The following MUC6 variants were observed in gnomAD, a reference collection of about 807,000 sequenced individuals.
MUC6 encodes mucin-6.
In MUC6, 188 loss-of-function variants were observed where a neutral mutation model predicts 201.5. That is an observed-to-expected ratio of 0.93 (90% confidence interval 0.83 to 1.05). MUC6 has a LOEUF of 1.05. MUC6 is among the 50% of genes least tolerant of loss of function. The pLI, the probability that MUC6 is intolerant of heterozygous loss-of-function variation, is 0.00. For synonymous variants in MUC6, 1,228 were observed against 1,389.4 expected (o/e 0.88, Z 2.58); for missense variants, 2,706 against 3,256.9 (o/e 0.83, Z 4.12).
Position 1,028,793 on chromosome 11 carries a change from G to A in MUC6, c.1454-10C>T, listed in dbSNP as rs750252148. The stretch of plus-strand genomic sequence containing the variant: ...AAGACCGTGATGTTGCCTGCAGGAC[G>A]CAGTGCTCAGTGGGCCGTCTGGGCT... On this transcript the variant is annotated splice_polypyrimidine_tract_variant and intron_variant, in intron 12 of 32. Transcript: ENST00000421673. 61 of 1,609,728 alleles carry A rather than the reference G, an allele frequency of 3.8e-5. No individual in the cohort carries two copies. Among genetic ancestry groups the A allele is most frequent in the African/African-American group, 2.0e-4 (15 of 74,936 alleles).
intron 24 of MUC6, 80 bp downstream of exon 24, chr11:1,024,764 C>T (rs1856909705): frequency 6.6e-7 from 1 of 1,518,668 alleles, no homozygotes; most frequent in Non-Finnish European, 8.8e-7. Flanking sequence ...AGAACCGTGC[C>T]TGGCTTCCCC....
Position 1,030,637 on chromosome 11 carries a change from C to T in MUC6, c.828G>A (p.Glu276=), listed in dbSNP as rs1188606943. Residue 276 remains glutamate (E), a synonymous_variant, in exon 7 of 33, where the codon GAG becomes GAA. Coordinates refer to ENST00000421673, the MANE Select transcript of MUC6 (RefSeq NM_005961.3). ...CCACCATGCTGCACTGGCGGGAGTACTCCGACAGGGTGGCACAACTGCTGT... is the reference window on the plus strand; with the variant it reads ...CCACCATGCTGCACTGGCGGGAGTATTCCGACAGGGTGGCACAACTGCTGT... ...PQNSSCATLS[E]YSRQCSMVGQ... 1.9e-6 allele frequency: 3 copies of T among 1,540,770 alleles called. No individual in the cohort carries two copies. The African/African-American group carries it at 4.1e-5, about 21-fold the overall frequency.
intron 2 of MUC6, 128 bp from the exon 3 acceptor site, chr11:1,032,181 C>T: frequency 1.6e-6 from 2 of 1,258,272 alleles, no homozygotes; most frequent in Admixed American, 2.4e-5. Flanking sequence ...GCTGTGGAAA[C>T]CCCAGACATC....
At chr11:1,036,404 T>C (rs373003344) in intron 1 of MUC6, among the ~76,000 whole-genome samples, 200 bp downstream of exon 1, 1 of 152,092 alleles carries the variant, frequency 6.6e-6, no homozygotes, top group Non-Finnish European at 1.5e-5. Flanking sequence ...CTGACCCCAA[T>C]TGGCAGAGCC....
intron 1 of MUC6, among the ~76,000 whole-genome samples, chr11:1,035,534 A>G (rs1246187122): frequency 1.7e-4 from 20 of 119,134 alleles, no homozygotes; most frequent in African/African-American, 4.7e-4. Flanking sequence ...TATCTCCTAC[A>G]GTTGAAGGGT....
At chr11:1,025,143 T>C (rs1275252665) in intron 23 of MUC6, 39 bp downstream of exon 23, 2 of 1,610,406 alleles carry the variant, frequency 1.2e-6, no homozygotes, top group African/African-American at 2.7e-5. Flanking sequence ...CACCCCTGCA[T>C]CAGGGAGGGC....
chr11:1,014,512 G>A (rs1856557146), intron 31 of MUC6, among the ~76,000 whole-genome samples: 1 of 152,206 alleles, frequency 6.6e-6, no homozygotes, highest in African/African-American at 2.4e-5. Context: ...GGAAGGGGCG[G>A]GGTGGGGGCC....
rs751038693 is a variant in MUC6, at chr11:1,021,239, C to T, written c.3565G>A (p.Glu1189Lys). The change falls in exon 27 of 33, where the codon GAG (glutamate) becomes AAG (lysine). Residue 1189 changes from glutamate to lysine, a missense_variant. By Grantham distance (56) the Glu-to-Lys change is moderately conservative (BLOSUM62 1). Transcript: ENST00000421673. ...CTGCAGGGCACGCACACCCCCTCCTCGTGGTCGAAGTACTCATCCTGGGAG... is the reference window on the plus strand; with the variant it reads ...CTGCAGGGCACGCACACCCCCTCCTTGTGGTCGAAGTACTCATCCTGGGAG... ...NCSQDEYFDH[E>K]EGVCVPCMPP... 5.0e-5 allele frequency: 79 copies of T among 1,591,034 alleles called. No homozygotes were observed. The South Asian group carries it at 7.7e-4, about 16-fold the overall frequency.
intron 1 of MUC6, among the ~76,000 whole-genome samples, chr11:1,035,553 G>A (rs1248025801): frequency 2.0e-5 from 3 of 151,862 alleles, no homozygotes; most frequent in Non-Finnish European, 4.4e-5. Flanking sequence ...GTGGTGCCCG[G>A]CGTGGTGGGG....
chr11:1,035,192 GGCGCT>G (rs1857191086), intron 1 of MUC6, among the ~76,000 whole-genome samples: 2 of 152,208 alleles, frequency 1.3e-5, no homozygotes, highest in South Asian at 4.1e-4. Flanking sequence ...TGGCAGAGAT[GGCGCT>G]CAGAGATTAT....
rs1388399902 is a variant in MUC6 at position 1,020,691 on chromosome 11, G to A, written c.3633C>T (p.Pro1211=). 6.2e-7 allele frequency: 1 copy of A among 1,613,592 alleles called. No individual in the cohort carries two copies. The highest frequency in any genetic ancestry group is 2.2e-5 in the East Asian group (1 of 44,884). Residue 1211 remains proline (P), a synonymous_variant, in exon 28 of 33, where the codon CCC becomes CCT. Coordinates refer to ENST00000421673, the MANE Select transcript of MUC6 (RefSeq NM_005961.3). ...TAGTGTGCGTGCAATTACCTGTGGT[G>A]GGCAGCTGCGGCGTGGTGGGTGGCT... The part of the protein sequence containing the change: ...TPQPPTTPQL[P]TTGSRPTQVW...
chr11:1,033,464 C>G lies in MUC6; in HGVS notation c.53-389G>C, dbSNP rs953477549. On this transcript the variant is annotated intron_variant, in intron 1 of 32. Transcript: ENST00000421673. This position sits in a 1 kb window ranked among gnomAD's most constrained non-coding sequence, Gnocchi z 5.6. ...GCGGAGCCAACAAAGTGGGCTGTGC[C>G]CGCCTCCCCAGCTTGGCCGCCTGGT... Among the ~76,000 whole-genome samples the G allele has an allele frequency of 6.6e-6, 1 of 152,014 alleles. No homozygotes were observed. The highest frequency in any genetic ancestry group is 1.5e-5 in the Non-Finnish European group (1 of 67,962).
In MUC6 at chr11:1,025,847, G is replaced by A; in HGVS notation, c.2757C>T (p.Asn919=). 1 of 1,613,046 alleles carries A rather than the reference G, an allele frequency of 6.2e-7. No individual in the cohort carries two copies. The highest frequency in any genetic ancestry group is 8.5e-7 in the Non-Finnish European group (1 of 1,179,792). ...TGGCCCGTGAGCATGTGACCCCGGA[G>A]TTCCCACAGATGACGTTCTCTGTCA... is the stretch of plus-strand genomic sequence containing the variant. ...KILTENVICG[N]SGVTCSRAIK... is the part of the protein sequence containing the mutation. The change falls in exon 22 of 33, where the codon AAC becomes AAT. Residue 919 remains asparagine (N), a synonymous_variant. Transcript: ENST00000421673.
rs374810305 is a variant in MUC6, at chr11:1,019,512, G to A, written c.3809-16C>T. 2.5e-5 allele frequency: 40 copies of A among 1,603,646 alleles called. No individual in the cohort carries two copies. In the East Asian group the frequency reaches 7.8e-4, roughly 31 times the overall value. ...CTAGGTGGTTCTGCAGAGGACAGCCGCCCGGAACATCCCCTTGCTGTGGGC... is the reference window on the plus strand; with the variant it reads ...CTAGGTGGTTCTGCAGAGGACAGCCACCCGGAACATCCCCTTGCTGTGGGC... On this transcript the variant is annotated splice_polypyrimidine_tract_variant and intron_variant, in intron 29 of 32. Transcript: ENST00000421673.
chr11:1,025,158 G>C lies in MUC6; in HGVS notation c.2985+24C>G, dbSNP rs1298424302. ...CACCCCTGCATCAGGGAGGGCCTGG[G>C]AGGAGGCAGAGGGCGTGCGGTACCT... is the stretch of plus-strand genomic sequence containing the variant. On this transcript the variant is annotated intron_variant, in intron 23 of 32. Coordinates refer to ENST00000421673, the MANE Select transcript of MUC6 (RefSeq NM_005961.3). 8.1e-6 allele frequency: 13 copies of C among 1,610,214 alleles called. No homozygotes were observed. In the Admixed American group the frequency reaches 2.2e-4, roughly 27 times the overall value.
Position 1,033,205 on chromosome 11 carries a change from G to T in MUC6, c.53-130C>A, listed in dbSNP as rs758835108. 2 of 899,606 alleles carry T rather than the reference G, an allele frequency of 2.2e-6. No individual in the cohort carries two copies. The highest frequency in any genetic ancestry group is 2.0e-5 in the Admixed American group (1 of 49,432). 55.7% of individuals were successfully genotyped at this position (899,606 alleles called of 1,614,324 possible). On this transcript the variant is annotated intron_variant, in intron 1 of 32. Coordinates refer to ENST00000421673, the MANE Select transcript of MUC6 (RefSeq NM_005961.3). This position sits in a 1 kb window ranked among gnomAD's most constrained non-coding sequence, Gnocchi z 5.6. ...GGCGTGCGAGAAGTGTCCATGGCCC[G>T]TGGGGCTCGAGGCCTCAACAGCAAG...
chr11:1,022,455 C>T (rs540802816), intron 26 of MUC6, among the ~76,000 whole-genome samples: 1 of 152,372 alleles, frequency 6.6e-6, no homozygotes, highest in South Asian at 2.1e-4. Flanking sequence ...CCTCTGGACA[C>T]TTTCCTGGCT....
At position 1,026,406 on chromosome 11, in the gene MUC6, G is replaced by A. The variant is rs754903105; in HGVS notation, c.2467C>T (p.Pro823Ser). Reference sequence around the variant, plus strand: ...AACTCACATGGGCACTCCTCGGGGGGCACACACTGCCCGTCGGCATTCTCG... The same window carrying A: ...AACTCACATGGGCACTCCTCGGGGGACACACACTGCCCGTCGGCATTCTCG... The part of the protein sequence containing the change: ...LYENADGQCV[P>S]PEECPCEFSG... The change falls in exon 20 of 33, where the codon CCC (proline) becomes TCC (serine). Residue 823 changes from proline to serine, a missense_variant. Pro to Ser is a moderately conservative substitution (Grantham distance 74). Transcript: ENST00000421673. The A allele has an allele frequency of 2.5e-6, 4 of 1,607,970 alleles. No individual in the cohort carries two copies. The African/African-American group carries it at 5.4e-5, about 22-fold the overall frequency.
rs776276523 is a variant in MUC6, at chr11:1,029,030, G to T, written c.1380+16C>A. ...CGGAGCCCTGCTGGCAGGGATGGGC[G>T]CAGGAAAGGCCTTACCTGCCTGGAG... On this transcript the variant is annotated intron_variant, in intron 11 of 32. Transcript: ENST00000421673. The T allele has an allele frequency of 1.6e-5, 25 of 1,612,502 alleles. No individual in the cohort carries two copies. The highest frequency in any genetic ancestry group is 1.9e-5 in the Non-Finnish European group (22 of 1,179,624).
Sources: allele counts gnomAD v4.1 joint callset (sites outside exome capture counted in the v4.1 genomes callset), GRCh38; gene constraint gnomAD v4.1.1; non-coding constraint Gnocchi (gnomAD v3.1); transcripts MANE v1.5; gene names NCBI Gene and HGNC (gene_info 2026-07-23, HGNC 2026-07-21).